The following ASIC2 variants were observed in gnomAD, a reference collection of about 807,000 sequenced individuals.
ASIC2 encodes the protein acid sensing ion channel subunit 2.
Under a neutral mutation model 57.3 loss-of-function variants are expected in ASIC2, and 25 were observed. The ratio of observed to expected loss-of-function variants is 0.44; its 90% CI spans 0.32 to 0.61. ASIC2 has a LOEUF of 0.61. ASIC2 is among the 20% of genes least tolerant of loss of function. The pLI, the probability that ASIC2 is intolerant of heterozygous loss-of-function variation, is 0.06. For synonymous variants in ASIC2, 319 were observed against 307.5 expected (o/e 1.04, Z -0.39); for missense variants, 641 against 738.1 (o/e 0.87, Z 1.52).
At chr17:33,751,937 G>A (rs909279789) in intron 1 of ASIC2, among the ~76,000 whole-genome samples, 32 of 149,896 alleles carry the variant, frequency 2.1e-4, no homozygotes, top group Non-Finnish European at 4.0e-4. Context: ...GGAAGCCGGG[G>A]GTGGGGGTGA....
At chr17:33,181,545 G>A (rs1313351519) in intron 1 of ASIC2, among the ~76,000 whole-genome samples, 1 of 152,100 alleles carries the variant, frequency 6.6e-6, no homozygotes, top group Non-Finnish European at 1.5e-5. Context: ...GACTTCTGGT[G>A]GCCCCTGACA....
chr17:33,643,679 CTG>C (rs1308595082), intron 1 of ASIC2, among the ~76,000 whole-genome samples: 2 of 152,166 alleles, frequency 1.3e-5, no homozygotes, highest in African/African-American at 4.8e-5. Context: ...AATCATATAA[CTG>C]TGGATACATT....
At chr17:33,500,408 A>G (rs1022061609) in intron 1 of ASIC2, among the ~76,000 whole-genome samples, 6 of 152,214 alleles carry the variant, frequency 3.9e-5, no homozygotes, top group Non-Finnish European at 5.9e-5. Context: ...GGCCCACTCA[A>G]GATCATCACA....
chr17:33,328,377 A>G (rs1907163848), intron 1 of ASIC2, among the ~76,000 whole-genome samples: 1 of 152,132 alleles, frequency 6.6e-6, no homozygotes, highest in African/African-American at 2.4e-5. Context: ...CAAAGTTGAG[A>G]ATCACGAGCC....
At chr17:33,342,743 G>A (rs914108283) in intron 1 of ASIC2, among the ~76,000 whole-genome samples, 1 of 152,144 alleles carries the variant, frequency 6.6e-6, no homozygotes, top group African/African-American at 2.4e-5. Context: ...CTTATCTGAT[G>A]ATGGCAGAGT....
chr17:33,033,550 G>T (rs1050226676), intron 3 of ASIC2, among the ~76,000 whole-genome samples: 1 of 152,200 alleles, frequency 6.6e-6, no homozygotes, highest in Non-Finnish European at 1.5e-5. Context: ...GCCCCAGAAG[G>T]GACCACCCCA....
At chr17:33,193,327 T>C (rs911467617) in intron 1 of ASIC2, among the ~76,000 whole-genome samples, 2 of 152,210 alleles carry the variant, frequency 1.3e-5, no homozygotes, top group South Asian at 2.1e-4. Context: ...GAGAGATTTG[T>C]GCCCACAGGT....
At chr17:33,111,592 C>T (rs1014665842) in intron 2 of ASIC2, among the ~76,000 whole-genome samples, 3 of 152,168 alleles carry the variant, frequency 2.0e-5, no homozygotes, top group Non-Finnish European at 4.4e-5. Context: ...GCTGATCCAT[C>T]CTTCCCGCCT....
At chr17:33,476,401 C>T (rs1913220897) in intron 1 of ASIC2, among the ~76,000 whole-genome samples, 1 of 151,804 alleles carries the variant, frequency 6.6e-6, no homozygotes, top group African/African-American at 2.4e-5. Context: ...ACTTCCTTAT[C>T]GATGGACATT....
At chr17:34,083,069 T>C (rs1162007081) in intron 1 of ASIC2, among the ~76,000 whole-genome samples, 1 of 151,920 alleles carries the variant, frequency 6.6e-6, no homozygotes, top group South Asian at 2.1e-4. Flanking sequence ...ATGTGCACAA[T>C]GTGCAGGTTA....
chr17:33,088,821 G>A (rs562297571), intron 3 of ASIC2, 42 bp downstream of exon 3: 1 of 1,567,816 alleles, frequency 6.4e-7, no homozygotes, highest in Non-Finnish European at 8.6e-7. Flanking sequence ...GGGGGTCGGG[G>A]GAGGCTGAGG....
At chr17:33,686,297 AGGATTCTTC>A (rs1908186999) in intron 1 of ASIC2, among the ~76,000 whole-genome samples, 1 of 152,164 alleles carries the variant, frequency 6.6e-6, no homozygotes, top group African/African-American at 2.4e-5. Context: ...GCAAAAACCT[AGGATTCTTC>A]GGATGGAGAA....
At chr17:33,899,318 G>T (rs933280717) in intron 1 of ASIC2, among the ~76,000 whole-genome samples, 2 of 152,128 alleles carry the variant, frequency 1.3e-5, no homozygotes, top group African/African-American at 4.8e-5. Context: ...ACCGTGGGGT[G>T]GACCCCTGGA....
At position 33,232,406 on chromosome 17, in the gene ASIC2, AATGGTATGGTATGGTATGGT is replaced by A. The variant is rs1160468658; in HGVS notation, c.708+58982_708+59001del. On this transcript the variant is annotated intron_variant, in intron 1 of 9. Coordinates refer to ENST00000225823, the MANE Select transcript of ASIC2 (RefSeq NM_183377.2). ...GTATGGCAGCCTAGGTATGGTATGG[AATGGTATGGTATGGTATGGT>A]ATGGTATGGTATGGTATGGAATGGT... Among the ~76,000 whole-genome samples the A allele has an allele frequency of 4.7e-3, 643 of 136,052 alleles. 7 individuals carry two copies. Among genetic ancestry groups the A allele is most frequent in the East Asian group, 0.028 (138 of 4,864 alleles). 89.3% of individuals were successfully genotyped at this position (136,052 alleles called of 152,430 possible). A position where few individuals can be genotyped will look rare whatever the true frequency, so the allele number is the denominator to read the frequency against.
intron 1 of ASIC2, among the ~76,000 whole-genome samples, chr17:33,326,104 A>T (rs1364920056): frequency 6.6e-6 from 1 of 152,214 alleles, no homozygotes; most frequent in African/African-American, 2.4e-5. Flanking sequence ...TGGCAGCAAG[A>T]CATTTTTTGG....
At chr17:33,232,965 T>C (rs750210213) in intron 1 of ASIC2, among the ~76,000 whole-genome samples, 21 of 152,018 alleles carry the variant, frequency 1.4e-4, no homozygotes, top group Non-Finnish European at 2.5e-4. Flanking sequence ...CTCAGGGCAA[T>C]GTCCCCTAGA....
intron 1 of ASIC2, among the ~76,000 whole-genome samples, chr17:34,088,458 A>G (rs867648447): frequency 3.7e-4 from 57 of 152,036 alleles, no homozygotes; most frequent in African/African-American, 1.4e-3. Flanking sequence ...CCTACTGGGG[A>G]GTGCCTCCCA....
At chr17:33,353,008 C>T (rs1253376370) in intron 1 of ASIC2, among the ~76,000 whole-genome samples, 2 of 152,194 alleles carry the variant, frequency 1.3e-5, no homozygotes, top group African/African-American at 4.8e-5. Flanking sequence ...ATAACATTTA[C>T]CCATCTGCCT....
At chr17:33,379,017 T>C (rs1195562695) in intron 1 of ASIC2, among the ~76,000 whole-genome samples, 5 of 152,238 alleles carry the variant, frequency 3.3e-5, no homozygotes, top group African/African-American at 1.2e-4. Context: ...ATAGGGAGCA[T>C]ACTTTGTAAC....
Sources: allele counts gnomAD v4.1 joint callset (sites outside exome capture counted in the v4.1 genomes callset), GRCh38; gene constraint gnomAD v4.1.1; transcripts MANE v1.5; gene names NCBI Gene and HGNC (gene_info 2026-07-23, HGNC 2026-07-21).